WDR36: variants seen among roughly 807,000 people sequenced by gnomAD.
WDR36 encodes the protein WD repeat-containing protein 36.
Under a neutral mutation model 112.7 loss-of-function variants are expected in WDR36, and 63 were observed. That is an observed-to-expected ratio of 0.56 (90% CI 0.46 to 0.69). The LOEUF (loss-of-function observed/expected upper bound fraction) is 0.69, where lower values mean the gene tolerates loss of function less well. Among genes scored for constraint, WDR36 ranks in the 30% least tolerant of loss-of-function variants. The pLI, the probability that WDR36 is intolerant of heterozygous loss-of-function variation, is 0.00. For synonymous variants in WDR36, 410 were observed against 362.2 expected, an observed-to-expected ratio of 1.13 and a Z score of -1.50; for missense variants, 1,226 against 1,070.3, an observed-to-expected ratio of 1.15 and a Z score of -2.03.
At chr5:111,105,509 CATCA>C in intron 10 of WDR36, 149 bp downstream of exon 10, 1 of 769,570 alleles carries the variant, frequency 1.3e-6, no homozygotes, top group Non-Finnish European at 2.2e-6. Flanking sequence ...AGATTCCTAG[CATCA>C]AAGTTGCTAT....
At chr5:111,116,195 C>T (rs532796023) in intron 16 of WDR36, among the ~76,000 whole-genome samples, 5 of 152,054 alleles carry the variant, frequency 3.3e-5, no homozygotes, top group African/African-American at 9.6e-5. Context: ...GTGATCCACC[C>T]ACCTCAGCCT....
At chr5:111,093,922 A>G (rs754023041) in intron 1 of WDR36, among the ~76,000 whole-genome samples, 7 of 152,216 alleles carry the variant, frequency 4.6e-5, no homozygotes, top group Non-Finnish European at 8.8e-5. Context: ...CTGATGATAC[A>G]TTCGTAACAT....
Position 111,105,332 on chromosome 5 carries a change from T to C in WDR36, c.1065T>C (p.His355=), listed in dbSNP as rs1753203104. 1 of 1,609,884 alleles carries C rather than the reference T, an allele frequency of 6.2e-7. No individual in the cohort carries two copies. Among genetic ancestry groups the C allele is most frequent in the South Asian group, 1.1e-5 (1 of 91,020 alleles). The change falls in exon 10 of 23, where the codon CAT becomes CAC. Residue 355 remains histidine, a synonymous_variant. Transcript: ENST00000513710. ...DGTLQSFSTV[H]EKFNKSLGHG... is the part of the protein sequence containing the mutation. Reference sequence around the variant, plus strand: ...CTCTTCAGTCATTTTCCACGGTACATGAAAAATTCAATAAGAGCTTGGGAC... The same window carrying C: ...CTCTTCAGTCATTTTCCACGGTACACGAAAAATTCAATAAGAGCTTGGGAC...
chr5:111,104,081 T>C, intron 7 of WDR36, 96 bp from the exon 8 acceptor site: 1 of 1,415,306 alleles, frequency 7.1e-7, no homozygotes, highest in Non-Finnish European at 9.7e-7. Context: ...ATAGTTTTTT[T>C]CTAACTTTAT....
Position 111,127,206 on chromosome 5 carries a change from C to G in WDR36, c.*323C>G. 1 of 242,000 alleles carries G rather than the reference C, an allele frequency of 4.1e-6. No homozygotes were observed. The highest frequency in any genetic ancestry group is 1.2e-3 in the Middle Eastern group (1 of 808). The allele number at this position is 242,000 out of a possible 1,614,324, so 15.0% of individuals were successfully genotyped here. A position where few individuals can be genotyped will look rare whatever the true frequency, so the allele number is the denominator to read the frequency against. ...AAGTTAAAAAAATAAATTACACCTG[C>G]CTTTTGTTTTGAAGACTTAAAGAAT... On this transcript the variant is annotated 3_prime_UTR_variant, in exon 23 of 23. Transcript: ENST00000513710.
chr5:111,100,877 T>G (rs1038174558), intron 5 of WDR36, among the ~76,000 whole-genome samples, 156 bp downstream of exon 5: 8 of 151,810 alleles, frequency 5.3e-5, no homozygotes, highest in African/African-American at 1.9e-4. Context: ...AGGAGTCAAT[T>G]AACCTGGGAT....
chr5:111,099,451 GTTTTTTTTTTTGTTTTTTTTT>G (rs1254263718), intron 4 of WDR36, among the ~76,000 whole-genome samples: 15 of 55,640 alleles, frequency 2.7e-4, no homozygotes, highest in Non-Finnish European at 5.6e-4. Context: ...GTTTTTTTTT[GTTTTTTTTTTTGTTTTTTTTT>G]TTTTTTTTTT....
In WDR36 at chr5:111,130,122, G is replaced by T; in HGVS notation, c.*3239G>T. 4.8e-6 allele frequency: 1 copy of T among 209,240 alleles called. No homozygotes were observed. The highest frequency in any genetic ancestry group is 9.7e-6 in the Non-Finnish European group (1 of 102,724). The allele number at this position is 209,240 out of a possible 1,614,324, so 13.0% of individuals were successfully genotyped here. ...CACATCTCTTGAAGTTTTGATATGGGTTGCACAACATTTATAGGACTGATT... is the reference window on the plus strand; with the variant it reads ...CACATCTCTTGAAGTTTTGATATGGTTTGCACAACATTTATAGGACTGATT... On this transcript the variant is annotated 3_prime_UTR_variant, in exon 23 of 23. Coordinates refer to ENST00000513710, the MANE Select transcript of WDR36 (RefSeq NM_139281.3).
At chr5:111,092,978 A>G (rs890691189) in intron 1 of WDR36, among the ~76,000 whole-genome samples, 1 of 152,262 alleles carries the variant, frequency 6.6e-6, no homozygotes. Flanking sequence ...CATGCACGCT[A>G]TTACGTTATT....
chr5:111,125,580 G>A (rs1322604079), intron 21 of WDR36, 28 bp from the exon 22 acceptor site: 2 of 1,601,122 alleles, frequency 1.2e-6, no homozygotes, highest in Admixed American at 1.7e-5. Flanking sequence ...TTATAATCAA[G>A]TCATAACTGG....
At position 111,129,769 on chromosome 5, in the gene WDR36, T is replaced by A. The variant is rs2112597787; in HGVS notation, c.*2886T>A. The A allele has an allele frequency of 5.0e-6, 1 of 201,730 alleles. No homozygotes were observed. Among genetic ancestry groups the A allele is most frequent in the East Asian group, 7.7e-5 (1 of 12,922 alleles). The allele number at this position is 201,730 out of a possible 1,614,324, so 12.5% of individuals were successfully genotyped here. A position where few individuals can be genotyped will look rare whatever the true frequency, so the allele number is the denominator to read the frequency against. On this transcript the variant is annotated 3_prime_UTR_variant, in exon 23 of 23. Transcript: ENST00000513710. ...AAAGCAAATTATTTTCTAAGACATT[T>A]ACAGTGTATGTTTTCCTATGTTTAC... is the stretch of plus-strand genomic sequence containing the variant.
Position 111,098,769 on chromosome 5 carries a change from A to T in WDR36, c.339A>T (p.Gln113His), listed in dbSNP as rs186048062. ...ATAAGGCAGAAATCCATTTCTTGCA[A>T]CCCTTTGGAGACCACATTATCTCTG... Reference protein sequence around the residue: ...KGHKAEIHFLQPFGDHIISVD... With the variant: ...KGHKAEIHFLHPFGDHIISVD... Residue 113 changes from glutamine to histidine, a missense_variant, in exon 4 of 23, where the codon CAA (glutamine) becomes CAT (histidine). Physicochemically the swap from Gln to His is conservative, Grantham distance 24 (BLOSUM62 0). Coordinates refer to ENST00000513710, the MANE Select transcript of WDR36 (RefSeq NM_139281.3). 2.3e-5 allele frequency: 37 copies of T among 1,613,056 alleles called. No individual in the cohort carries two copies. Among genetic ancestry groups the T allele is most frequent in the Non-Finnish European group, 3.4e-6 (4 of 1,179,250 alleles).
chr5:111,103,698 T>G lies in WDR36; in HGVS notation c.598-88T>G, dbSNP rs1753165358. 6 of 1,527,404 alleles carry G rather than the reference T, an allele frequency of 3.9e-6. No individual in the cohort carries two copies. In the East Asian group the frequency reaches 1.4e-4, roughly 35 times the overall value. The allele number at this position is 1,527,404 out of a possible 1,614,324, so 94.6% of individuals were successfully genotyped here. Reference sequence around the variant, plus strand: ...TTAGAAGATACTTCATTATTTCTTTTGATAACACCTAATAATGATGCGTAT... The same window carrying G: ...TTAGAAGATACTTCATTATTTCTTTGGATAACACCTAATAATGATGCGTAT... On this transcript the variant is annotated intron_variant, in intron 6 of 22. Transcript: ENST00000513710.
At position 111,123,774 on chromosome 5, in the gene WDR36, C is replaced by T. The variant is rs746015802; in HGVS notation, c.2149-31C>T. 15 of 1,611,250 alleles carry T rather than the reference C, an allele frequency of 9.3e-6. No homozygotes were observed. In the Admixed American group the frequency reaches 2.3e-4, roughly 25 times the overall value. On this transcript the variant is annotated intron_variant, in intron 19 of 22. Transcript: ENST00000513710. Reference sequence around the variant, plus strand: ...TGAGAAACTGTTGGCAAGATAATTCCTATTTTTCTTTCTCATTTTCTCTTA... The same window carrying T: ...TGAGAAACTGTTGGCAAGATAATTCTTATTTTTCTTTCTCATTTTCTCTTA...
chr5:111,100,307 A>G (rs531178630), intron 4 of WDR36, among the ~76,000 whole-genome samples: 1 of 151,918 alleles, frequency 6.6e-6, no homozygotes, highest in African/African-American at 2.4e-5. Context: ...TAACTTTATT[A>G]TCCTTTTCTG....
At position 111,101,386 on chromosome 5, in the gene WDR36, C is replaced by G. The variant is rs545838967; in HGVS notation, c.542+665C>G. ...TTATTACTAGGGAGCTTCTGATTTT[C>G]CATACATGAAGATTTTCTATACATG... On this transcript the variant is annotated intron_variant, in intron 5 of 22. Coordinates refer to ENST00000513710, the MANE Select transcript of WDR36 (RefSeq NM_139281.3). Among the ~76,000 whole-genome samples, 5 of 151,898 alleles carry G rather than the reference C, an allele frequency of 3.3e-5. 1 individual carries two copies. The South Asian group carries it at 1.0e-3, about 32-fold the overall frequency.
In WDR36 at chr5:111,127,149, C is replaced by A; in HGVS notation, c.*266C>A. 1 of 338,118 alleles carries A rather than the reference C, an allele frequency of 3.0e-6. No individual in the cohort carries two copies. Among genetic ancestry groups the A allele is most frequent in the Non-Finnish European group, 5.3e-6 (1 of 187,114 alleles). 20.9% of individuals were successfully genotyped at this position (338,118 alleles called of 1,614,324 possible). On this transcript the variant is annotated 3_prime_UTR_variant, in exon 23 of 23. Transcript: ENST00000513710. ...GCCAGGAATTTGAGCCCAGCCTGGG[C>A]AACATAGCAAGCAAGATCCCATCTC... is the stretch of plus-strand genomic sequence containing the variant.
chr5:111,110,286 G>T lies in WDR36; in HGVS notation c.1424G>T (p.Ser475Ile). The change falls in exon 13 of 23, where the codon AGT becomes ATT. Residue 475 changes from serine to isoleucine, a missense_variant. Coordinates refer to ENST00000513710, the MANE Select transcript of WDR36 (RefSeq NM_139281.3). ...YNMQSGIHRG[S>I]FGKDQAHKGS... ...ATGCAGTCTGGCATACATCGAGGAA[G>T]TTTTGGCAAGGATCAAGGTAGAGAA... 1 of 1,610,598 alleles carries T rather than the reference G, an allele frequency of 6.2e-7. No homozygotes were observed. The highest frequency in any genetic ancestry group is 8.5e-7 in the Non-Finnish European group (1 of 1,177,366).
intron 4 of WDR36, among the ~76,000 whole-genome samples, chr5:111,099,450 T>TG (rs1753068264): frequency 5.3e-5 from 5 of 93,976 alleles, no homozygotes; most frequent in African/African-American, 2.2e-4. Flanking sequence ...GGTTTTTTTT[T>TG]GTTTTTTTTT....
Sources: allele counts gnomAD v4.1 joint callset (sites outside exome capture counted in the v4.1 genomes callset), GRCh38; gene constraint gnomAD v4.1.1; transcripts MANE v1.5; gene names NCBI Gene and HGNC (gene_info 2026-07-23, HGNC 2026-07-21).